Variants in PANK4 observed in about 807,000 individuals in gnomAD.
The protein encoded by PANK4 is pantothenate kinase 4 (inactive), also known as 4'-phosphopantetheine phosphatase.
PANK4 carries 40 observed loss-of-function variants against 87.9 expected under a neutral mutation model. The ratio of observed to expected loss-of-function variants is 0.46; its 90% CI spans 0.35 to 0.59. The LOEUF (loss-of-function observed/expected upper bound fraction) is 0.59. PANK4 is among the 20% of genes least tolerant of loss of function. PANK4 has a pLI of 0.00. For missense variants in PANK4, 926 were observed against 1,072.3 expected (o/e 0.86, Z 1.90); for synonymous variants, 524 against 467.4 (o/e 1.12, Z -1.56).
intron 1 of PANK4, among the ~76,000 whole-genome samples, chr1:2,522,395 C>T (rs1030441404): frequency 7.2e-5 from 11 of 152,164 alleles, no homozygotes; most frequent in African/African-American, 1.9e-4. Flanking sequence ...CACCAAAGTC[C>T]GTTTCCCCAC....
At chr1:2,523,096 T>G (rs1045582557) in intron 1 of PANK4, among the ~76,000 whole-genome samples, 1 of 152,236 alleles carries the variant, frequency 6.6e-6, no homozygotes, top group Non-Finnish European at 1.5e-5. Context: ...TATTGTTTTT[T>G]GACAAAATAC....
intron 9 of PANK4, among the ~76,000 whole-genome samples, chr1:2,516,419 G>A (rs1401742515): frequency 6.6e-6 from 1 of 152,224 alleles, no homozygotes; most frequent in Admixed American, 6.5e-5. Context: ...TATGCCGGGA[G>A]GAAGTGAACT....
chr1:2,520,177 G>A lies in PANK4; in HGVS notation c.699+145C>T, dbSNP rs115031359. On this transcript the variant is annotated intron_variant, in intron 5 of 18. Coordinates refer to ENST00000378466, the MANE Select transcript of PANK4 (RefSeq NM_018216.4). The surrounding 1 kb of genome is among the most constrained non-coding windows in gnomAD (Gnocchi z 6.2). ...ACCCAACCCTCAGGGCGCAAAGAGT[G>A]AAGCCGCAGAGGCCAGAGACCCACT... 3.0e-3 allele frequency: 2,413 copies of A among 812,362 alleles called. 46 individuals are homozygous for A. The African/African-American group carries it at 0.038, about 13-fold the overall frequency. 50.3% of individuals were successfully genotyped at this position (812,362 alleles called of 1,614,324 possible).
intron 1 of PANK4, 63 bp downstream of exon 1, chr1:2,526,401 C>T: frequency 1.1e-6 from 1 of 949,394 alleles, no homozygotes; most frequent in Non-Finnish European, 1.3e-6. Flanking sequence ...CCCCGCTCGC[C>T]GGCCCACCGC....
intron 7 of PANK4, 126 bp from the exon 8 acceptor site, chr1:2,518,723 C>T (rs950726094): frequency 2.6e-6 from 2 of 759,106 alleles, no homozygotes; most frequent in African/African-American, 3.5e-5. Flanking sequence ...GCCATGGCAC[C>T]CACGGCATAC....
In PANK4 at chr1:2,513,009, T is replaced by G. The variant is rs745748725; in HGVS notation, c.1606A>C (p.Arg536=). ...VKQRENGVAL[R]CFPGVVRSLD... ...GAGCGCACGACCCCGGGGAAGCACC[T>G]CAGCGCCACGCCATTCTCCCGCTGC... The change falls in exon 13 of 19, where the codon AGG becomes CGG. Residue 536 remains arginine, a synonymous_variant. Transcript: ENST00000378466. 5.6e-6 allele frequency: 9 copies of G among 1,608,136 alleles called. No homozygotes were observed. The African/African-American group carries it at 1.1e-4, about 19-fold the overall frequency.
rs149581842 is a variant in PANK4, at chr1:2,520,979, C to T, written c.423-73G>A. 429 of 1,523,838 alleles carry T rather than the reference C, an allele frequency of 2.8e-4. No homozygotes were observed. In the African/African-American group the frequency reaches 4.4e-3, roughly 16 times the overall value. 94.4% of individuals were successfully genotyped at this position (1,523,838 alleles called of 1,614,324 possible). A position where few individuals can be genotyped will look rare whatever the true frequency, so the allele number is the denominator to read the frequency against. ...TGCAACCATGCAAGCCTGCCTGGTC[C>T]GAAGGGGCAGCCATGCCCCATGCGC... On this transcript the variant is annotated intron_variant, in intron 3 of 18. Transcript: ENST00000378466. The surrounding 1 kb of genome is among the most constrained non-coding windows in gnomAD (Gnocchi z 6.2).
chr1:2,520,182 C>G lies in PANK4; in HGVS notation c.699+140G>C. 1 of 829,408 alleles carries G rather than the reference C, an allele frequency of 1.2e-6. No individual in the cohort carries two copies. The highest frequency in any genetic ancestry group is 2.3e-5 in the Admixed American group (1 of 43,594). The allele number at this position is 829,408 out of a possible 1,614,324, so 51.4% of individuals were successfully genotyped here. A position where few individuals can be genotyped will look rare whatever the true frequency, so the allele number is the denominator to read the frequency against. ...ACCCTCAGGGCGCAAAGAGTGAAGC[C>G]GCAGAGGCCAGAGACCCACTGACGC... On this transcript the variant is annotated intron_variant, in intron 5 of 18. Coordinates refer to ENST00000378466, the MANE Select transcript of PANK4 (RefSeq NM_018216.4). This position sits in a 1 kb window ranked among gnomAD's most constrained non-coding sequence, Gnocchi z 6.2.
In PANK4 at chr1:2,510,693, G is replaced by A. The variant is rs373980884; in HGVS notation, c.1923C>T (p.Leu641=). 216 of 1,593,776 alleles carry A rather than the reference G, an allele frequency of 1.4e-4. No homozygotes were observed. Among genetic ancestry groups the A allele is most frequent in the Non-Finnish European group, 1.8e-4 (206 of 1,162,538 alleles). Reference sequence around the variant, plus strand: ...CAACACTCACCTCTGTCCCTCTAAGGAGTAGCTCCCTGACAAAGGGGAAGA... The same window carrying A: ...CAACACTCACCTCTGTCCCTCTAAGAAGTAGCTCCCTGACAAAGGGGAAGA... ...LGVFPFVREL[L]LRGTEVILAC... is the part of the protein sequence containing the mutation. Residue 641 remains leucine (L), a synonymous_variant, in exon 16 of 19, where the codon CTC becomes CTT. Coordinates refer to ENST00000378466, the MANE Select transcript of PANK4 (RefSeq NM_018216.4). This position sits in a 1 kb window ranked among gnomAD's most constrained non-coding sequence, Gnocchi z 4.9.
intron 9 of PANK4, among the ~76,000 whole-genome samples, chr1:2,517,750 A>ACAGTGCGCGG (rs1223389434): frequency 2.6e-5 from 4 of 152,354 alleles, no homozygotes; most frequent in East Asian, 1.9e-4. Flanking sequence ...ACCATCAGCC[A>ACAGTGCGCGG]CAGTGCGCGG....
At chr1:2,522,367 T>A (rs1413041304) in intron 1 of PANK4, among the ~76,000 whole-genome samples, 1 of 152,080 alleles carries the variant, frequency 6.6e-6, no homozygotes, top group Non-Finnish European at 1.5e-5. Context: ...GCCCCAAAAG[T>A]AGCCAGAAGT....
chr1:2,523,109 T>C (rs1191027506), intron 1 of PANK4, among the ~76,000 whole-genome samples: 2 of 152,146 alleles, frequency 1.3e-5, no homozygotes, highest in African/African-American at 4.8e-5. Flanking sequence ...CAAAATACTA[T>C]AAGGATGTCT....
At chr1:2,511,267 TC>T in intron 15 of PANK4, 70 bp downstream of exon 15, 2 of 1,078,538 alleles carry the variant, frequency 1.9e-6, no homozygotes, top group South Asian at 1.3e-5. Flanking sequence ...CATGCCCACC[TC>T]CCTCCAGTGA....
Position 2,520,983 on chromosome 1 carries a change from G to C in PANK4, c.423-77C>G. 6.5e-7 allele frequency: 1 copy of C among 1,529,440 alleles called. No individual in the cohort carries two copies. The highest frequency in any genetic ancestry group is 8.9e-7 in the Non-Finnish European group (1 of 1,124,794). The allele number at this position is 1,529,440 out of a possible 1,614,324, so 94.7% of individuals were successfully genotyped here. On this transcript the variant is annotated intron_variant, in intron 3 of 18. Transcript: ENST00000378466. The surrounding 1 kb of genome is among the most constrained non-coding windows in gnomAD (Gnocchi z 6.2). Reference sequence around the variant, plus strand: ...ACCATGCAAGCCTGCCTGGTCCGAAGGGGCAGCCATGCCCCATGCGCAATC... The same window carrying C: ...ACCATGCAAGCCTGCCTGGTCCGAACGGGCAGCCATGCCCCATGCGCAATC...
Position 2,509,745 on chromosome 1 carries a change from G to C in PANK4, c.2108+117C>G. The C allele has an allele frequency of 1.1e-6, 1 of 869,762 alleles. No individual in the cohort carries two copies. Among genetic ancestry groups the C allele is most frequent in the Admixed American group, 2.0e-5 (1 of 48,944 alleles). The allele number at this position is 869,762 out of a possible 1,614,324, so 53.9% of individuals were successfully genotyped here. A position where few individuals can be genotyped will look rare whatever the true frequency, so the allele number is the denominator to read the frequency against. Reference sequence around the variant, plus strand: ...TGAGATCAATCCGGGCCTGGGGTCAGGAGAGGCCGCAGGGGCAGTCCTGAG... The same window carrying C: ...TGAGATCAATCCGGGCCTGGGGTCACGAGAGGCCGCAGGGGCAGTCCTGAG... On this transcript the variant is annotated intron_variant, in intron 18 of 18. Transcript: ENST00000378466. This position sits in a 1 kb window ranked among gnomAD's most constrained non-coding sequence, Gnocchi z 4.9.
chr1:2,515,605 G>A lies in PANK4; in HGVS notation c.1331C>T (p.Ala444Val). ...DTVDLTDDAL[A>V]RKYWLTCFEE... is the part of the protein sequence containing the mutation. ...AAAGCAGGTGAGCCAGTATTTTCGG[G>A]CCAGAGCGTCATCGGTGAGGTCCAC... Residue 444 changes from alanine (A) to valine (V), a missense_variant, in exon 10 of 19, where the codon GCC becomes GTC. Physicochemically the swap from Ala to Val is moderately conservative, Grantham distance 64. Transcript: ENST00000378466. This position sits in a 1 kb window ranked among gnomAD's most constrained non-coding sequence, Gnocchi z 5.0. 6.2e-7 allele frequency: 1 copy of A among 1,613,258 alleles called. No individual in the cohort carries two copies. Among genetic ancestry groups the A allele is most frequent in the Non-Finnish European group, 8.5e-7 (1 of 1,179,980 alleles).
In PANK4 at chr1:2,515,852, G is replaced by C. The variant is rs115004956; in HGVS notation, c.1219-135C>G. On this transcript the variant is annotated intron_variant, in intron 9 of 18. Transcript: ENST00000378466. The surrounding 1 kb of genome is among the most constrained non-coding windows in gnomAD (Gnocchi z 5.0). ...TCCGCCACGTCTCTGGGCCACAGAC[G>C]AGACCCCCACTGGGCCCCCTCAGCT... 3,124 of 921,910 alleles carry C rather than the reference G, an allele frequency of 3.4e-3. 61 individuals carry two copies. In the African/African-American group the frequency reaches 0.046, roughly 14 times the overall value. The allele number at this position is 921,910 out of a possible 1,614,324, so 57.1% of individuals were successfully genotyped here. A position where few individuals can be genotyped will look rare whatever the true frequency, so the allele number is the denominator to read the frequency against.
Position 2,520,294 on chromosome 1 carries a change from T to C in PANK4, c.699+28A>G, listed in dbSNP as rs767822539. On this transcript the variant is annotated intron_variant, in intron 5 of 18. Transcript: ENST00000378466. This position sits in a 1 kb window ranked among gnomAD's most constrained non-coding sequence, Gnocchi z 6.2. ...GGAAGCAGACATCTCCGCAGACCCCTGGAAGGTCTCTGGCAGCTGCCGCAT... is the reference window on the plus strand; with the variant it reads ...GGAAGCAGACATCTCCGCAGACCCCCGGAAGGTCTCTGGCAGCTGCCGCAT... 3.6e-5 allele frequency: 57 copies of C among 1,599,736 alleles called. No individual in the cohort carries two copies. The Admixed American group carries it at 8.2e-4, about 23-fold the overall frequency.
At chr1:2,518,431 A>C in intron 8 of PANK4, 85 bp downstream of exon 8, 1 of 1,252,874 alleles carries the variant, frequency 8.0e-7, no homozygotes, top group South Asian at 1.3e-5. Context: ...CCCCACCTCC[A>C]CCCTGGGCCG....
Sources: gnomAD v4.1 joint callset for allele counts (sites outside exome capture counted in the v4.1 genomes callset) on GRCh38, gnomAD v4.1.1 for gene constraint, Gnocchi (gnomAD v3.1) non-coding constraint, MANE v1.5 for transcripts, NCBI Gene and HGNC (gene_info 2026-07-23, HGNC 2026-07-21) for gene names.